TAPT1: variants seen among roughly 807,000 people sequenced by gnomAD.
TAPT1 encodes the protein transmembrane anterior posterior transformation protein 1 homolog.
TAPT1 carries 28 observed loss-of-function variants against 65.6 expected under a neutral mutation model. The observed-to-expected ratio is 0.43, with a 90% CI of 0.32 to 0.59. The LOEUF (loss-of-function observed/expected upper bound fraction) is 0.59, where lower values mean the gene tolerates loss of function less well. Ranked by LOEUF, TAPT1 falls within the 20% of genes least tolerant of loss-of-function variation. The pLI is 0.09. For missense variants in TAPT1, 563 were observed against 679.9 expected (o/e 0.83, Z 1.91); for synonymous variants, 278 against 245.2 (o/e 1.13, Z -1.25).
At position 16,191,420 on chromosome 4, in the gene TAPT1, A is replaced by T. The variant is rs370646247; in HGVS notation, c.553T>A (p.Tyr185Asn). The T allele has an allele frequency of 6.3e-7, 1 of 1,595,800 alleles. No individual in the cohort carries two copies. The highest frequency in any genetic ancestry group is 8.5e-7 in the Non-Finnish European group (1 of 1,170,928). ...MMHYVDYSMM[Y>N]HLIRGQSVIK... ...ACGGACTGCCCCCTTATCAGGTGGT[A>T]CATCATGGAGTAGTCAACATAGTGC... is the stretch of plus-strand genomic sequence containing the variant. Residue 185 changes from tyrosine to asparagine, a missense_variant, in exon 4 of 14, where the codon TAC becomes AAC. Transcript: ENST00000405303.
At chr4:16,166,421 G>C (rs1747624118) in intron 13 of TAPT1, among the ~76,000 whole-genome samples, 2 of 152,242 alleles carry the variant, frequency 1.3e-5, no homozygotes, top group Non-Finnish European at 2.9e-5. Context: ...ATGTGTCGCA[G>C]ATGCTCAATG....
At chr4:16,223,968 A>G (rs1005132458) in intron 1 of TAPT1, among the ~76,000 whole-genome samples, 4 of 152,220 alleles carry the variant, frequency 2.6e-5, no homozygotes, top group African/African-American at 9.6e-5. Flanking sequence ...CTGATGGTTC[A>G]GCCACCAAGA....
At chr4:16,183,318 T>C (rs1748823650) in intron 7 of TAPT1, among the ~76,000 whole-genome samples, 1 of 152,196 alleles carries the variant, frequency 6.6e-6, no homozygotes, top group South Asian at 2.1e-4. Context: ...TAATTTTTTT[T>C]TTGGTGCTAA....
chr4:16,202,836 T>C (rs1750119365), intron 2 of TAPT1, among the ~76,000 whole-genome samples: 1 of 152,216 alleles, frequency 6.6e-6, no homozygotes, highest in African/African-American at 2.4e-5. Context: ...CATCATCTGA[T>C]GCGGCTTTCT....
intron 4 of TAPT1, among the ~76,000 whole-genome samples, chr4:16,188,695 C>T (rs899352628): frequency 2.6e-5 from 4 of 151,192 alleles, no homozygotes; most frequent in African/African-American, 4.9e-5. Context: ...CCGAGGTGGG[C>T]GGATCACGAG....
intron 2 of TAPT1, among the ~76,000 whole-genome samples, chr4:16,210,277 G>GA (rs1207817399): frequency 6.6e-6 from 1 of 152,178 alleles, no homozygotes; most frequent in African/African-American, 2.4e-5. Flanking sequence ...TAGCAAAGTC[G>GA]AATTTAGTGG....
At chr4:16,189,264 GC>G (rs1329910695) in intron 4 of TAPT1, among the ~76,000 whole-genome samples, 3 of 152,080 alleles carry the variant, frequency 2.0e-5, no homozygotes, top group African/African-American at 7.2e-5. Flanking sequence ...ATCTCTTGTG[GC>G]TCCTATGGTC....
chr4:16,202,896 A>G (rs960381766), intron 2 of TAPT1, among the ~76,000 whole-genome samples: 5 of 152,292 alleles, frequency 3.3e-5, no homozygotes, highest in Admixed American at 6.5e-5. Context: ...ATTCCTCATA[A>G]TTTTGCTATT....
At position 16,163,315 on chromosome 4, in the gene TAPT1, A is replaced by G. The variant is rs1747374104; in HGVS notation, c.1697T>C (p.Ile566Thr). The G allele has an allele frequency of 1.2e-6, 2 of 1,613,458 alleles. No individual in the cohort carries two copies. Among genetic ancestry groups the G allele is most frequent in the Non-Finnish European group, 1.7e-6 (2 of 1,179,470 alleles). ...IDRFTICGNR[I>T]D is the part of the protein sequence containing the mutation. ...GCGCATGAAGCCACAGATTCAGTCA[A>G]TTCGGTTTCCACAAATTGTGAACCT... The change falls in exon 14 of 14, where the codon ATT (isoleucine) becomes ACT (threonine). Residue 566 changes from isoleucine to threonine, a missense_variant. Physicochemically the swap from Ile to Thr is moderately conservative, Grantham distance 89. Coordinates refer to ENST00000405303, the MANE Select transcript of TAPT1 (RefSeq NM_153365.3).
intron 4 of TAPT1, among the ~76,000 whole-genome samples, chr4:16,189,517 C>T (rs922827439): frequency 4.6e-5 from 7 of 152,298 alleles, no homozygotes; most frequent in Non-Finnish European, 8.8e-5. Context: ...TAAACCCTTT[C>T]TATGTGAAGT....
chr4:16,210,574 T>A (rs1442407302), intron 2 of TAPT1, among the ~76,000 whole-genome samples: 7 of 152,126 alleles, frequency 4.6e-5, no homozygotes, highest in Non-Finnish European at 8.8e-5. Flanking sequence ...ATGAGACAAC[T>A]TAGGCAGAGA....
At chr4:16,214,844 T>C (rs1368254728) in intron 1 of TAPT1, among the ~76,000 whole-genome samples, 2 of 152,206 alleles carry the variant, frequency 1.3e-5, no homozygotes, top group African/African-American at 4.8e-5. Flanking sequence ...GCTGGCCTTG[T>C]GGTCCTTTCT....
intron 7 of TAPT1, among the ~76,000 whole-genome samples, chr4:16,182,045 A>G (rs1422406138): frequency 6.6e-6 from 1 of 152,246 alleles, no homozygotes; most frequent in East Asian, 1.9e-4. Context: ...AGATAAAGAT[A>G]CAAAACTATA....
chr4:16,164,798 G>C (rs146371122), intron 13 of TAPT1, among the ~76,000 whole-genome samples: 333 of 152,076 alleles, frequency 2.2e-3, no homozygotes, highest in Non-Finnish European at 2.7e-3. Context: ...TTACCTAGTT[G>C]GTTGAAAAAA....
chr4:16,162,270 G>C lies in TAPT1; in HGVS notation c.*1038C>G, dbSNP rs1283930303. ...ACATCCCCACAGACACCCTCCCACA[G>C]AACACACACCCTGCCCCAGCACAGG... is the stretch of plus-strand genomic sequence containing the variant. On this transcript the variant is annotated 3_prime_UTR_variant, in exon 14 of 14. Transcript: ENST00000405303. 6.5e-6 allele frequency: 1 copy of C among 152,912 alleles called. No individual in the cohort carries two copies. The highest frequency in any genetic ancestry group is 2.4e-5 in the African/African-American group (1 of 41,338). 9.5% of individuals were successfully genotyped at this position (152,912 alleles called of 1,614,324 possible). A position where few individuals can be genotyped will look rare whatever the true frequency, so the allele number is the denominator to read the frequency against.
chr4:16,204,631 T>C (rs1750237056), intron 2 of TAPT1, among the ~76,000 whole-genome samples: 1 of 152,250 alleles, frequency 6.6e-6, no homozygotes, highest in South Asian at 2.1e-4. Context: ...AGAAGCCTTC[T>C]ACAGGTTCTG....
intron 1 of TAPT1, 66 bp from the exon 2 acceptor site, chr4:16,213,964 G>A (rs1345503855): frequency 2.0e-5 from 28 of 1,405,674 alleles, no homozygotes; most frequent in Non-Finnish European, 2.3e-5. Flanking sequence ...CACGCTAGCT[G>A]GGGCCACAGG....
chr4:16,164,769 G>C (rs983891785), intron 13 of TAPT1, among the ~76,000 whole-genome samples: 1 of 151,950 alleles, frequency 6.6e-6, no homozygotes, highest in South Asian at 2.1e-4. Context: ...AAGAGAACAC[G>C]TACAGGCCCC....
At chr4:16,173,611 A>AT (rs1748144780) in intron 11 of TAPT1, among the ~76,000 whole-genome samples, 1 of 152,162 alleles carries the variant, frequency 6.6e-6, no homozygotes, top group South Asian at 2.1e-4. Context: ...AGTTTGGACA[A>AT]TTTTTAAAAA....
Sources: gnomAD v4.1 joint callset for allele counts (sites outside exome capture counted in the v4.1 genomes callset) on GRCh38, gnomAD v4.1.1 for gene constraint, MANE v1.5 for transcripts, NCBI Gene and HGNC (gene_info 2026-07-23, HGNC 2026-07-21) for gene names.